Variants in RALYL observed in about 807,000 individuals in gnomAD.
The protein encoded by RALYL is RNA-binding Raly-like protein.
A neutral mutation model predicts 35.1 loss-of-function variants in RALYL; 29 were observed. That is an observed-to-expected ratio of 0.83 (90% CI 0.61 to 1.13). The LOEUF is 1.13. RALYL is among the 50% of genes most tolerant of loss of function. The probability of loss-of-function intolerance (pLI) is 0.00; values close to 1 mark genes in which losing one functional copy is unlikely to be tolerated. For synonymous variants in RALYL, 120 were observed against 127.6 expected, an observed-to-expected ratio of 0.94 and a Z score of 0.40; for missense variants, 359 against 360.4, an observed-to-expected ratio of 1.00 and a Z score of 0.03.
intron 1 of RALYL, among the ~76,000 whole-genome samples, chr8:84,262,599 G>A (rs1324601813): frequency 6.6e-6 from 1 of 151,996 alleles, no homozygotes; most frequent in African/African-American, 2.4e-5. Context: ...TAAAATAACT[G>A]GCCTGAATTA....
chr8:84,375,348 C>T (rs892858296), intron 1 of RALYL, among the ~76,000 whole-genome samples: 6 of 151,776 alleles, frequency 4.0e-5, no homozygotes, highest in African/African-American at 1.2e-4. Context: ...CCTAAAGAAC[C>T]ATATGATTCT....
chr8:84,305,237 A>G (rs1841554574), intron 1 of RALYL, among the ~76,000 whole-genome samples: 1 of 152,184 alleles, frequency 6.6e-6, no homozygotes. Flanking sequence ...TTTTTGTTTC[A>G]GAGCAATTTT....
intron 2 of RALYL, among the ~76,000 whole-genome samples, chr8:84,591,330 G>C (rs1051039566): frequency 7.9e-5 from 12 of 152,038 alleles, no homozygotes; most frequent in Non-Finnish European, 1.5e-4. Flanking sequence ...AGACTCCTGA[G>C]ATAAAGAAAA....
intron 2 of RALYL, among the ~76,000 whole-genome samples, chr8:84,577,067 C>A (rs1809624534): frequency 6.6e-6 from 1 of 152,212 alleles, no homozygotes; most frequent in Admixed American, 6.5e-5. Context: ...GTGATACCAA[C>A]CACTTCACAC....
At chr8:84,408,594 C>A (rs747195966) in intron 1 of RALYL, among the ~76,000 whole-genome samples, 1 of 152,114 alleles carries the variant, frequency 6.6e-6, no homozygotes, top group Non-Finnish European at 1.5e-5. Context: ...CATGGACGCT[C>A]TCTATGTAGT....
intron 1 of RALYL, among the ~76,000 whole-genome samples, chr8:84,471,853 A>T (rs536874577): frequency 6.6e-6 from 1 of 152,280 alleles, no homozygotes; most frequent in Admixed American, 6.5e-5. Context: ...AGTTCTTAGG[A>T]CACTTACTTG....
chr8:84,755,467 A>G (rs1293369459), intron 2 of RALYL, among the ~76,000 whole-genome samples: 1 of 152,194 alleles, frequency 6.6e-6, no homozygotes, highest in Non-Finnish European at 1.5e-5. Context: ...GTACCCACAT[A>G]TTCAACAAAC....
intron 1 of RALYL, among the ~76,000 whole-genome samples, chr8:84,413,926 G>T (rs949486924): frequency 6.6e-6 from 1 of 151,968 alleles, no homozygotes; most frequent in African/African-American, 2.4e-5. Flanking sequence ...ATTTGTCTTT[G>T]TATGGCATAT....
At chr8:84,835,880 A>T (rs1258644179) in intron 4 of RALYL, among the ~76,000 whole-genome samples, 2 of 151,988 alleles carry the variant, frequency 1.3e-5, no homozygotes, top group African/African-American at 4.8e-5. Flanking sequence ...GTAGAGCCAG[A>T]CAGAGCGTAG....
chr8:84,367,720 T>C (rs898528590), intron 1 of RALYL, among the ~76,000 whole-genome samples: 3 of 152,110 alleles, frequency 2.0e-5, no homozygotes, highest in Non-Finnish European at 4.4e-5. Context: ...AATAACACTT[T>C]TATAGTATCT....
At chr8:84,730,547 G>A in intron 2 of RALYL, among the ~76,000 whole-genome samples, 1 of 152,042 alleles carries the variant, frequency 6.6e-6, no homozygotes, top group Admixed American at 6.6e-5. Flanking sequence ...CAATTAGGCA[G>A]GAGAAGGAAA....
intron 2 of RALYL, among the ~76,000 whole-genome samples, chr8:84,655,196 T>A (rs1284062461): frequency 6.6e-6 from 1 of 152,180 alleles, no homozygotes; most frequent in Non-Finnish European, 1.5e-5. Context: ...AGATCAGTGA[T>A]GTGGAGCACA....
At chr8:84,833,140 T>A (rs1257348368) in intron 4 of RALYL, among the ~76,000 whole-genome samples, 2 of 152,174 alleles carry the variant, frequency 1.3e-5, no homozygotes, top group African/African-American at 4.8e-5. Context: ...TTAATTCAAT[T>A]ATTTTTTATA....
At chr8:84,508,033 A>G (rs1288592996) in intron 1 of RALYL, among the ~76,000 whole-genome samples, 3 of 152,190 alleles carry the variant, frequency 2.0e-5, no homozygotes, top group African/African-American at 7.2e-5. Context: ...TAGAGTCAAT[A>G]TGTTCTTTTC....
intron 8 of RALYL, among the ~76,000 whole-genome samples, chr8:84,906,647 A>T (rs1372290780): frequency 6.6e-6 from 1 of 152,026 alleles, no homozygotes; most frequent in African/African-American, 2.4e-5. Flanking sequence ...AATGTTGCTG[A>T]CCTTTTACAA....
At chr8:84,347,651 T>G (rs1475136677) in intron 1 of RALYL, among the ~76,000 whole-genome samples, 2 of 152,106 alleles carry the variant, frequency 1.3e-5, no homozygotes, top group Non-Finnish European at 2.9e-5. Context: ...GGGAAGGACA[T>G]AAGTCCCTAA....
intron 1 of RALYL, among the ~76,000 whole-genome samples, chr8:84,406,274 G>A (rs1394234184): frequency 1.3e-5 from 2 of 151,928 alleles, no homozygotes; most frequent in Non-Finnish European, 2.9e-5. Context: ...ATATATCTAA[G>A]TGTTATATAT....
At chr8:84,585,564 G>A (rs1811803223) in intron 2 of RALYL, among the ~76,000 whole-genome samples, 1 of 151,912 alleles carries the variant, frequency 6.6e-6, no homozygotes, top group African/African-American at 2.4e-5. Flanking sequence ...TGTTTTTCAT[G>A]TTCATATTAT....
intron 2 of RALYL, among the ~76,000 whole-genome samples, chr8:84,557,156 G>A (rs575304463): frequency 2.0e-5 from 3 of 152,228 alleles, no homozygotes; most frequent in African/African-American, 7.2e-5. Context: ...GAATAGTTTT[G>A]TTGCCCTGGT....
Sources: gnomAD v4.1 joint callset for allele counts (sites outside exome capture counted in the v4.1 genomes callset) on GRCh38, gnomAD v4.1.1 for gene constraint, MANE v1.5 for transcripts, NCBI Gene and HGNC (gene_info 2026-07-23, HGNC 2026-07-21) for gene names.